ZNF251: variants seen among roughly 807,000 people sequenced by gnomAD.
ZNF251 encodes zinc finger protein 251.
Under a neutral mutation model 13.5 loss-of-function variants are expected in ZNF251, and 14 were observed. The observed-to-expected ratio is 1.04, with a 90% CI of 0.69 to 1.63. The LOEUF (loss-of-function observed/expected upper bound fraction) is 1.63. Ranked by LOEUF, ZNF251 falls within the 40% of genes most tolerant of loss-of-function variation. The pLI is 0.00. For synonymous variants in ZNF251, 287 were observed against 295.2 expected (o/e 0.97, Z 0.28); for missense variants, 764 against 834.9 (o/e 0.92, Z 1.05).
chr8:144,723,434 T>C (rs1465243407), intron 4 of ZNF251, 52 bp from the exon 5 acceptor site: 3 of 1,299,222 alleles, frequency 2.3e-6, no homozygotes, highest in Non-Finnish European at 3.0e-6. Flanking sequence ...CCATCAGGCA[T>C]AATGTCCATA....
In ZNF251 at chr8:144,721,871, G is replaced by T; in HGVS notation, c.1789C>A (p.Gln597Lys). Reference sequence around the variant, plus strand: ...CCACTGAAGGCGTTTCCACATTCTTGACATTTATAGGGCTTTTCCCCAGCA... The same window carrying T: ...CCACTGAAGGCGTTTCCACATTCTTTACATTTATAGGGCTTTTCCCCAGCA... The part of the protein sequence containing the change: ...MHAGEKPYKC[Q>K]ECGNAFSGKS... The change falls in exon 5 of 5, where the codon CAA becomes AAA. Residue 597 changes from glutamine (Q) to lysine (K), a missense_variant. Transcript: ENST00000292562. 6.7e-7 allele frequency: 1 copy of T among 1,499,574 alleles called. No individual in the cohort carries two copies. The allele number at this position is 1,499,574 out of a possible 1,614,324, so 92.9% of individuals were successfully genotyped here.
chr8:144,739,471 C>T (rs987899324), intron 4 of ZNF251, among the ~76,000 whole-genome samples: 2 of 152,218 alleles, frequency 1.3e-5, no homozygotes, highest in African/African-American at 4.8e-5. Context: ...TGCAACTAGA[C>T]TCCAACCTAC....
Position 144,734,441 on chromosome 8 carries a change from G to A in ZNF251, c.278-11059C>T, listed in dbSNP as rs150028751. Among the ~76,000 whole-genome samples, 254 of 152,360 alleles carry A rather than the reference G, an allele frequency of 1.7e-3. 2 individuals carry two copies. Among genetic ancestry groups the A allele is most frequent in the African/African-American group, 5.9e-3 (245 of 41,592 alleles). On this transcript the variant is annotated intron_variant, in intron 4 of 4. Transcript: ENST00000292562. The surrounding 1 kb of genome is among the most constrained non-coding windows in gnomAD (Gnocchi z 4.4). ...TGAGCACCCGGTTCCTGCCCCACCG[G>A]ACGCTGGAGGCCTCCACCTGGCTCT...
At chr8:144,728,690 A>G (rs559382019) in intron 4 of ZNF251, among the ~76,000 whole-genome samples, 7 of 151,380 alleles carry the variant, frequency 4.6e-5, no homozygotes, top group Admixed American at 2.6e-4. Flanking sequence ...GGTTTGAAAT[A>G]CTGCAAGAAT....
chr8:144,729,509 T>C (rs1385047040), intron 4 of ZNF251, among the ~76,000 whole-genome samples: 1 of 151,774 alleles, frequency 6.6e-6, no homozygotes, highest in East Asian at 2.0e-4. Context: ...GCTAATTTTT[T>C]GTATTTTTAG....
chr8:144,732,739 G>A (rs1038619124), intron 4 of ZNF251, among the ~76,000 whole-genome samples: 2 of 151,610 alleles, frequency 1.3e-5, no homozygotes, highest in Non-Finnish European at 2.9e-5. Flanking sequence ...GTGAACCCGG[G>A]AGGCGGAGCT....
intron 4 of ZNF251, among the ~76,000 whole-genome samples, chr8:144,737,525 A>G (rs1389171595): frequency 2.0e-5 from 3 of 150,850 alleles, no homozygotes; most frequent in Non-Finnish European, 4.4e-5. Context: ...AAACAAACAA[A>G]CAAACAAAAA....
intron 4 of ZNF251, among the ~76,000 whole-genome samples, chr8:144,736,071 G>A (rs965597606): frequency 6.6e-6 from 1 of 152,188 alleles, no homozygotes; most frequent in Non-Finnish European, 1.5e-5. Flanking sequence ...CACGCTGGGC[G>A]GCTGTGCCCA....
Position 144,721,814 on chromosome 8 carries a change from G to C in ZNF251, c.1846C>G (p.His616Asp). ...CAATGACATGGTTTCTGACCAGTGT[G>C]AGTTACCTGATGTTGAATAAGGGTT... ...KSTLIQHQVT[H>D]TGQKPCHCSV... is the part of the protein sequence containing the mutation. Residue 616 changes from histidine to aspartate, a missense_variant, in exon 5 of 5, where the codon CAC (histidine) becomes GAC (aspartate). His to Asp is a moderately conservative substitution (Grantham distance 81). Transcript: ENST00000292562. 6.7e-7 allele frequency: 1 copy of C among 1,495,938 alleles called. No individual in the cohort carries two copies. Among genetic ancestry groups the C allele is most frequent in the African/African-American group, 1.4e-5 (1 of 71,624 alleles). The allele number at this position is 1,495,938 out of a possible 1,614,324, so 92.7% of individuals were successfully genotyped here.
intron 4 of ZNF251, among the ~76,000 whole-genome samples, chr8:144,725,138 C>T (rs928195071): frequency 1.3e-5 from 2 of 152,172 alleles, no homozygotes; most frequent in Non-Finnish European, 2.9e-5. Context: ...CTCAGCCTCC[C>T]GAGTAGCTGC....
chr8:144,728,815 C>A lies in ZNF251; in HGVS notation c.278-5433G>T, dbSNP rs374300804. On this transcript the variant is annotated intron_variant, in intron 4 of 4. Coordinates refer to ENST00000292562, the MANE Select transcript of ZNF251 (RefSeq NM_138367.2). ...TTTGTAAAAAAAAATGTTCGCCAGG[C>A]GCAGTGGCTCGCACTTGTAATCCCA... 3.9e-5 allele frequency among the ~76,000 whole-genome samples: 6 copies of A among 152,180 alleles called. No individual in the cohort carries two copies. In the South Asian group the frequency reaches 1.2e-3, roughly 32 times the overall value.
At chr8:144,731,744 G>A (rs1232767365) in intron 4 of ZNF251, among the ~76,000 whole-genome samples, 1 of 151,870 alleles carries the variant, frequency 6.6e-6, no homozygotes, top group Non-Finnish European at 1.5e-5. Flanking sequence ...GAGCCACCAC[G>A]CCCTGCTGAT....
chr8:144,753,575 G>C, intron 4 of ZNF251, 108 bp downstream of exon 4: 1 of 788,988 alleles, frequency 1.3e-6, no homozygotes, highest in South Asian at 1.6e-5. Flanking sequence ...GACTGCCCCT[G>C]GGGGAGGCCA....
chr8:144,753,255 C>CA (rs1267350646), intron 4 of ZNF251, among the ~76,000 whole-genome samples: 2 of 106,932 alleles, frequency 1.9e-5, no homozygotes, highest in East Asian at 3.3e-4. Context: ...AGCCTGGTGA[C>CA]AGAGTGAGAT....
Position 144,754,821 on chromosome 8 carries a change from C to A in ZNF251, c.-75-18G>T. The A allele has an allele frequency of 6.5e-7, 1 of 1,540,418 alleles. No homozygotes were observed. ...GAACTTACCTTCAGTGGGGAGAACT[C>A]AGGCTCAGCCCCATTCAACCAGGGG... On this transcript the variant is annotated intron_variant, in intron 1 of 4. Transcript: ENST00000292562.
rs1186987277 is a variant in ZNF251, at chr8:144,755,522, G to C, written c.-193C>G. The C allele has an allele frequency of 1.6e-6, 2 of 1,285,188 alleles. No homozygotes were observed. Among genetic ancestry groups the C allele is most frequent in the Non-Finnish European group, 2.0e-6 (2 of 987,704 alleles). The allele number at this position is 1,285,188 out of a possible 1,614,324, so 79.6% of individuals were successfully genotyped here. A position where few individuals can be genotyped will look rare whatever the true frequency, so the allele number is the denominator to read the frequency against. ...CCAGAGCCGGGGAGGGGGCGGGCTA[G>C]GATGAAGAGGGCGGGCCGGGCCGAG... On this transcript the variant is annotated 5_prime_UTR_variant, in exon 1 of 5. Transcript: ENST00000292562.
intron 4 of ZNF251, among the ~76,000 whole-genome samples, chr8:144,750,111 A>G (rs562209105): frequency 6.6e-6 from 1 of 152,198 alleles, no homozygotes; most frequent in Non-Finnish European, 1.5e-5. Flanking sequence ...CATAGTTTTA[A>G]AAAAATACCT....
At chr8:144,746,362 C>A (rs1563768448) in intron 4 of ZNF251, among the ~76,000 whole-genome samples, 2 of 152,128 alleles carry the variant, frequency 1.3e-5, no homozygotes, top group African/African-American at 2.4e-5. Context: ...GTATATAATT[C>A]TTTTTATACA....
intron 4 of ZNF251, among the ~76,000 whole-genome samples, chr8:144,751,976 T>C (rs941280609): frequency 6.6e-6 from 1 of 152,098 alleles, no homozygotes; most frequent in Non-Finnish European, 1.5e-5. Flanking sequence ...AATTCTCTTA[T>C]CTCTCATAAT....
Sources: allele counts gnomAD v4.1 joint callset (sites outside exome capture counted in the v4.1 genomes callset), GRCh38; gene constraint gnomAD v4.1.1; non-coding constraint Gnocchi (gnomAD v3.1); transcripts MANE v1.5; gene names NCBI Gene and HGNC (gene_info 2026-07-23, HGNC 2026-07-21).